Variants in DMD observed in about 807,000 individuals in gnomAD.
The protein encoded by DMD is dystrophin.
DMD carries 63 observed loss-of-function variants against 330.1 expected under a neutral mutation model. The ratio of observed to expected loss-of-function variants is 0.19; its 90% CI spans 0.16 to 0.24. The LOEUF is 0.24. Among genes scored for constraint, DMD ranks in the 10% least tolerant of loss-of-function variants. The pLI, the probability that DMD is intolerant of heterozygous loss-of-function variation, is 1.00. For missense variants in DMD, 3,344 were observed against 2,684.1 expected (o/e 1.25, Z -5.43); for synonymous variants, 1,223 against 959.8 (o/e 1.27, Z -5.07).
chrX:32,312,421 G>A (rs2097565956), intron 41 of DMD, among the ~76,000 whole-genome samples: 1 of 110,959 alleles, frequency 9.0e-6, no homozygotes, highest in African/African-American at 3.3e-5. Context: ...TCATATTGGT[G>A]CTTAATAAAT....
chrX:31,762,340 G>T (rs1382390686), intron 51 of DMD, among the ~76,000 whole-genome samples: 5 of 111,746 alleles, frequency 4.5e-5, no homozygotes, highest in Non-Finnish European at 7.5e-5. Context: ...GGAGGCTGAG[G>T]CAGGCAGATC....
chrX:32,843,875 A>C (rs1387402919), intron 4 of DMD, among the ~76,000 whole-genome samples: 1 of 111,822 alleles, frequency 8.9e-6, no homozygotes, highest in Non-Finnish European at 1.9e-5. Context: ...GTGACTGTTT[A>C]CTTCTTCTAA....
At chrX:32,492,598 A>G (rs775256955) in intron 19 of DMD, among the ~76,000 whole-genome samples, 2 of 111,979 alleles carry the variant, frequency 1.8e-5, no homozygotes, top group Admixed American at 1.9e-4. Context: ...CAGTCCAAGT[A>G]CATATTATTC....
chrX:31,567,299 T>C (rs757686829), intron 55 of DMD, among the ~76,000 whole-genome samples: 55 of 111,384 alleles, frequency 4.9e-4, no homozygotes, highest in African/African-American at 1.8e-3. Flanking sequence ...TTAGCAATCA[T>C]GGGTGGAAAC....
At chrX:31,321,827 G>T (rs1027148932) in intron 62 of DMD, among the ~76,000 whole-genome samples, 13 of 110,787 alleles carry the variant, frequency 1.2e-4, no homozygotes, top group Non-Finnish European at 1.9e-5. Context: ...CTGAGAAACA[G>T]CAAGAGACTA....
chrX:33,043,826 C>A, intron 1 of DMD, among the ~76,000 whole-genome samples: 1 of 96,603 alleles, frequency 1.0e-5, no homozygotes, highest in African/African-American at 3.8e-5. Context: ...TAATGCTATC[C>A]CTCCCCCCTC....
chrX:32,407,559 C>A (rs548705052), intron 30 of DMD, among the ~76,000 whole-genome samples: 1 of 110,775 alleles, frequency 9.0e-6, no homozygotes, highest in East Asian at 2.9e-4. Context: ...GTGGAAGTCA[C>A]TGTGGCGATT....
intron 45 of DMD, among the ~76,000 whole-genome samples, chrX:31,960,169 T>C (rs974271196): frequency 9.0e-6 from 1 of 110,664 alleles, no homozygotes; most frequent in Non-Finnish European, 1.9e-5. Flanking sequence ...GTTTTCATGA[T>C]ATTTAATTAA....
At chrX:31,434,855 C>T (rs1445173886) in intron 60 of DMD, among the ~76,000 whole-genome samples, 1 of 112,057 alleles carries the variant, frequency 8.9e-6, no homozygotes, top group African/African-American at 3.2e-5. Flanking sequence ...AACCCTCCTA[C>T]TTTAAATTTC....
chrX:32,949,415 C>T (rs868447293), intron 2 of DMD, among the ~76,000 whole-genome samples: 1 of 109,526 alleles, frequency 9.1e-6, no homozygotes, highest in Non-Finnish European at 1.9e-5. Flanking sequence ...GACAGACAGA[C>T]AGATAGGCAT....
At chrX:32,128,742 C>A (rs2096673535) in intron 44 of DMD, among the ~76,000 whole-genome samples, 1 of 111,921 alleles carries the variant, frequency 8.9e-6, no homozygotes, top group African/African-American at 3.2e-5. Flanking sequence ...GCATTTATCA[C>A]ATAAGGAAAA....
intron 1 of DMD, among the ~76,000 whole-genome samples, chrX:33,139,500 G>A (rs1471897293): frequency 9.0e-6 from 1 of 110,909 alleles, no homozygotes; most frequent in African/African-American, 3.3e-5. Flanking sequence ...CAGTGTTGAA[G>A]GTGGGGCCTG....
chrX:32,514,702 C>A (rs1236886028), intron 18 of DMD, among the ~76,000 whole-genome samples: 2 of 112,654 alleles, frequency 1.8e-5, no homozygotes, highest in Non-Finnish European at 3.8e-5. Flanking sequence ...GATCGCGCCA[C>A]TGCACTCCCG....
chrX:31,377,786 A>T (rs139728078), intron 60 of DMD, among the ~76,000 whole-genome samples: 19,225 of 111,516 alleles, frequency 0.17, 2,288 homozygotes, highest in African/African-American at 0.42. Flanking sequence ...TACATCCAGA[A>T]GGCCTGAAGT....
At chrX:32,375,370 C>T (rs775615345) in intron 34 of DMD, among the ~76,000 whole-genome samples, 3 of 112,198 alleles carry the variant, frequency 2.7e-5, no homozygotes, top group African/African-American at 6.5e-5. Flanking sequence ...TTAGGCAAAC[C>T]GAATGAACAG....
At chrX:33,258,714 C>T (rs1285672235) in intron 1 of DMD, among the ~76,000 whole-genome samples, 2 of 110,789 alleles carry the variant, frequency 1.8e-5, no homozygotes, top group African/African-American at 6.5e-5. Context: ...TTCCAAGACC[C>T]TTTGCTTTCA....
chrX:32,700,868 G>A (rs2064061743), intron 7 of DMD, among the ~76,000 whole-genome samples: 1 of 111,661 alleles, frequency 9.0e-6, no homozygotes, highest in African/African-American at 3.2e-5. Flanking sequence ...AAAAAGCCAA[G>A]AGTAAAGTCT....
intron 29 of DMD, among the ~76,000 whole-genome samples, chrX:32,421,020 C>A (rs1262686061): frequency 1.8e-5 from 2 of 111,715 alleles, no homozygotes; most frequent in Non-Finnish European, 3.8e-5. Flanking sequence ...TTGGTTCGAA[C>A]TTGAAATTGT....
intron 43 of DMD, among the ~76,000 whole-genome samples, chrX:32,282,940 C>T (rs979166183): frequency 2.7e-5 from 3 of 112,002 alleles, no homozygotes; most frequent in Non-Finnish European, 5.6e-5. Flanking sequence ...ATCTCTCCCC[C>T]CTTCCACTGT....
Sources: gnomAD v4.1 joint callset for allele counts (sites outside exome capture counted in the v4.1 genomes callset) on GRCh38, gnomAD v4.1.1 for gene constraint, MANE v1.5 for transcripts, NCBI Gene and HGNC (gene_info 2026-07-23, HGNC 2026-07-21) for gene names.